ATG16L1: variants seen among roughly 807,000 people sequenced by gnomAD.
ATG16L1 encodes the protein autophagy related 16 like 1, also known as autophagy-related protein 16-1.
In ATG16L1, 37 loss-of-function variants were observed where a neutral mutation model predicts 88.5. The ratio of observed to expected loss-of-function variants is 0.42; its 90% CI spans 0.32 to 0.55. The LOEUF (loss-of-function observed/expected upper bound fraction) is 0.55, where lower values mean the gene tolerates loss of function less well. Ranked by LOEUF, ATG16L1 falls within the 20% of genes least tolerant of loss-of-function variation. The probability of loss-of-function intolerance (pLI) is 0.13; values close to 1 mark genes in which losing one functional copy is unlikely to be tolerated. For synonymous variants in ATG16L1, 301 were observed against 281.0 expected (o/e 1.07, Z -0.71); for missense variants, 554 against 752.8 (o/e 0.74, Z 3.09).
chr2:233,286,996 T>C (rs1273548616), intron 12 of ATG16L1, among the ~76,000 whole-genome samples: 1 of 152,136 alleles, frequency 6.6e-6, no homozygotes, highest in Non-Finnish European at 1.5e-5. Context: ...CCCTTTCCCT[T>C]ATTCCATTAG....
rs1693703855 is a variant in ATG16L1 at position 233,273,306 on chromosome 2, C to G, written c.794+254C>G. ...ATGTAGTGGCTTACTCAAATATGGACAGTGAAACCTTATTAAGCAGAATGA... is the reference window on the plus strand; with the variant it reads ...ATGTAGTGGCTTACTCAAATATGGAGAGTGAAACCTTATTAAGCAGAATGA... On this transcript the variant is annotated intron_variant, in intron 7 of 17. Coordinates refer to ENST00000392017, the MANE Select transcript of ATG16L1 (RefSeq NM_030803.7). 2.9e-5 allele frequency: 15 copies of G among 520,850 alleles called. 1 individual carries two copies. The South Asian group carries it at 3.9e-4, about 14-fold the overall frequency. 32.3% of individuals were successfully genotyped at this position (520,850 alleles called of 1,614,324 possible).
intron 12 of ATG16L1, among the ~76,000 whole-genome samples, chr2:233,289,377 A>ATGTGTGTGTGTGTG (rs56993445): frequency 0.097 from 12,464 of 128,902 alleles, 768 homozygotes; most frequent in Non-Finnish European, 0.12. Context: ...CCTGTTTGGG[A>ATGTGTGTGTGTGTG]TGTGTGTGTG....
At chr2:233,281,801 A>T (rs1698735376) in intron 11 of ATG16L1, among the ~76,000 whole-genome samples, 1 of 152,130 alleles carries the variant, frequency 6.6e-6, no homozygotes, top group African/African-American at 2.4e-5. Flanking sequence ...CCTTATCTTG[A>T]TTGTCATCTC....
intron 1 of ATG16L1, among the ~76,000 whole-genome samples, chr2:233,255,148 ATTTTTAGTAG>A (rs1696687624): frequency 6.6e-6 from 1 of 151,800 alleles, no homozygotes; most frequent in South Asian, 2.1e-4. Flanking sequence ...TAATTTTTGT[ATTTTTAGTAG>A]TTTCGCCGTG....
intron 8 of ATG16L1, chr2:233,274,056 C>G: frequency 2.6e-6 from 4 of 1,548,406 alleles, no homozygotes; most frequent in Non-Finnish European, 3.5e-6. Context: ...AACTATTATC[C>G]TCTCTTAGTC....
At chr2:233,292,939 A>T (rs1193437148) in intron 16 of ATG16L1, among the ~76,000 whole-genome samples, 1 of 152,210 alleles carries the variant, frequency 6.6e-6, no homozygotes, top group Non-Finnish European at 1.5e-5. Flanking sequence ...AAGGCAGTCC[A>T]TGGGCTGAAA....
At chr2:233,265,293 A>G in intron 5 of ATG16L1, 150 bp downstream of exon 5, 1 of 996,558 alleles carries the variant, frequency 1.0e-6, no homozygotes, top group Non-Finnish European at 1.4e-6. Context: ...ATTCTGAACA[A>G]TATAAATTAA....
At position 233,283,026 on chromosome 2, in the gene ATG16L1, A is replaced by G. The variant is rs1698820746; in HGVS notation, c.1203+273A>G. The G allele has an allele frequency of 1.4e-5, 5 of 352,864 alleles. No homozygotes were observed. The South Asian group carries it at 1.6e-4, about 11-fold the overall frequency. The allele number at this position is 352,864 out of a possible 1,614,324, so 21.9% of individuals were successfully genotyped here. A position where few individuals can be genotyped will look rare whatever the true frequency, so the allele number is the denominator to read the frequency against. On this transcript the variant is annotated intron_variant, in intron 12 of 17. Transcript: ENST00000392017. ...GGACTAAATACTTTGGTAGATAGCA[A>G]TTTTGGCTTAATGGCACAGAACTTA...
At chr2:233,263,557 A>G (rs554402100) in intron 3 of ATG16L1, among the ~76,000 whole-genome samples, 7 of 152,356 alleles carry the variant, frequency 4.6e-5, no homozygotes, top group Non-Finnish European at 8.8e-5. Flanking sequence ...TGATGGTTTC[A>G]TAAAGCTTTT....
intron 10 of ATG16L1, among the ~76,000 whole-genome samples, chr2:233,280,387 G>A (rs1285716374): frequency 1.3e-5 from 2 of 152,192 alleles, no homozygotes; most frequent in Admixed American, 1.3e-4. Flanking sequence ...GCCCGTTACT[G>A]AAATTTCCGT....
Position 233,256,215 on chromosome 2 carries a change from T to C in ATG16L1, c.209+20T>C. On this transcript the variant is annotated intron_variant, in intron 2 of 17. Coordinates refer to ENST00000392017, the MANE Select transcript of ATG16L1 (RefSeq NM_030803.7). Reference sequence around the variant, plus strand: ...GATAAGGTATTTTGAAACTAACTTGTATTATTTATGTCTCCTCTAAGGAAA... The same window carrying C: ...GATAAGGTATTTTGAAACTAACTTGCATTATTTATGTCTCCTCTAAGGAAA... 2 of 1,594,718 alleles carry C rather than the reference T, an allele frequency of 1.3e-6. No homozygotes were observed. Among genetic ancestry groups the C allele is most frequent in the Non-Finnish European group, 1.7e-6 (2 of 1,163,170 alleles).
rs1404898502 is a variant in ATG16L1 at position 233,251,956 on chromosome 2, G to A, written c.115+14G>A. 6.5e-7 allele frequency: 1 copy of A among 1,532,808 alleles called. No individual in the cohort carries two copies. The highest frequency in any genetic ancestry group is 2.6e-5 in the East Asian group (1 of 39,190). 95.0% of individuals were successfully genotyped at this position (1,532,808 alleles called of 1,614,324 possible). A position where few individuals can be genotyped will look rare whatever the true frequency, so the allele number is the denominator to read the frequency against. ...TCATCCTGCAGTGTGAGCGGCGCCG[G>A]TGCGGGCTGGGAGTGGGGCGGGCGG... is the stretch of plus-strand genomic sequence containing the variant. On this transcript the variant is annotated intron_variant, in intron 1 of 17. Coordinates refer to ENST00000392017, the MANE Select transcript of ATG16L1 (RefSeq NM_030803.7).
Position 233,294,375 on chromosome 2 carries a change from C to T in ATG16L1, c.*25C>T. On this transcript the variant is annotated 3_prime_UTR_variant, in exon 18 of 18. Coordinates refer to ENST00000392017, the MANE Select transcript of ATG16L1 (RefSeq NM_030803.7). ...ACGGGGCTCTCAGGGCTGGGAGGACCCCAGTGCCCTCCTCAGAAGAAGCAC... is the reference window on the plus strand; with the variant it reads ...ACGGGGCTCTCAGGGCTGGGAGGACTCCAGTGCCCTCCTCAGAAGAAGCAC... 1 of 1,589,520 alleles carries T rather than the reference C, an allele frequency of 6.3e-7. No homozygotes were observed. The highest frequency in any genetic ancestry group is 8.6e-7 in the Non-Finnish European group (1 of 1,159,422).
intron 17 of ATG16L1, 101 bp downstream of exon 17, chr2:233,293,458 G>C: frequency 9.3e-7 from 1 of 1,076,906 alleles, no homozygotes; most frequent in Non-Finnish European, 1.4e-6. Flanking sequence ...CGCTGTGAGG[G>C]CACTGTCCGC....
chr2:233,254,918 C>CTTACT (rs1696667102), intron 1 of ATG16L1, among the ~76,000 whole-genome samples: 1 of 152,162 alleles, frequency 6.6e-6, no homozygotes, highest in African/African-American at 2.4e-5. Flanking sequence ...CACATCTGAT[C>CTTACT]TTACTGGTGC....
At chr2:233,293,422 G>T (rs912072990) in intron 17 of ATG16L1, 65 bp downstream of exon 17, 34 of 1,446,054 alleles carry the variant, frequency 2.4e-5, no homozygotes, top group Middle Eastern at 2.3e-4. Flanking sequence ...TCATCTCAGG[G>T]GTCATCCGGT....
In ATG16L1 at chr2:233,273,730, C is replaced by T. The variant is rs201415775; in HGVS notation, c.804C>T (p.Leu268=). Residue 268 remains leucine (L), a synonymous_variant, in exon 8 of 18, where the codon CTC becomes CTT. Transcript: ENST00000392017. ...CTCCCCTCCTCTTTAGTAAGCGACT[C>T]TCGCAGCCTGCTGGAGGCCTTCTGG... ...RAISRAATKR[L]SQPAGGLLDS... is the part of the protein sequence containing the mutation. 8.7e-5 allele frequency: 140 copies of T among 1,614,078 alleles called. 1 individual carries two copies. Among genetic ancestry groups the T allele is most frequent in the Middle Eastern group, 1.6e-4 (1 of 6,082 alleles).
Position 233,286,450 on chromosome 2 carries a change from A to C in ATG16L1, c.1204-3404A>C, listed in dbSNP as rs117584396. 2.5e-3 allele frequency among the ~76,000 whole-genome samples: 383 copies of C among 152,064 alleles called. 9 individuals are homozygous for C. The East Asian group carries it at 0.056, about 22-fold the overall frequency. On this transcript the variant is annotated intron_variant, in intron 12 of 17. Transcript: ENST00000392017. Reference sequence around the variant, plus strand: ...AAAATGAATTTCAGAAACACCTAACAGATAGAAGAATTTTAAATCTGATCC... The same window carrying C: ...AAAATGAATTTCAGAAACACCTAACCGATAGAAGAATTTTAAATCTGATCC...
At chr2:233,289,376 G>GGTGTGTGTGTGTGTGTGTGT (rs757994844) in intron 12 of ATG16L1, among the ~76,000 whole-genome samples, 56 of 55,312 alleles carry the variant, frequency 1.0e-3, no homozygotes, top group Admixed American at 3.2e-3. Flanking sequence ...TCCTGTTTGG[G>GGTGTGTGTGTGTGTGTGTGT]ATGTGTGTGT....
Sources: allele counts gnomAD v4.1 joint callset (sites outside exome capture counted in the v4.1 genomes callset), GRCh38; gene constraint gnomAD v4.1.1; transcripts MANE v1.5; gene names NCBI Gene and HGNC (gene_info 2026-07-23, HGNC 2026-07-21).